The following GALK2 variants were observed in gnomAD, a reference collection of about 807,000 sequenced individuals.
The protein encoded by GALK2 is N-acetylgalactosamine kinase.
Under a neutral mutation model 52.4 loss-of-function variants are expected in GALK2, and 36 were observed. The observed-to-expected ratio is 0.69, with a 90% CI of 0.53 to 0.91. The LOEUF is 0.91. GALK2 is among the 40% of genes least tolerant of loss of function. The pLI is 0.00. For missense variants in GALK2, 579 were observed against 559.1 expected (o/e 1.04, Z -0.36); for synonymous variants, 176 against 199.1 (o/e 0.88, Z 0.98).
At chr15:49,210,060 T>C (rs750030040) in intron 2 of GALK2, among the ~76,000 whole-genome samples, 46 of 152,212 alleles carry the variant, frequency 3.0e-4, no homozygotes, top group African/African-American at 1.1e-3. Flanking sequence ...TTCAATCTTC[T>C]TAGGTTTTAT....
chr15:49,367,492 T>C, exon 4 of GALK2: 1 of 1,603,242 alleles, frequency 6.2e-7, no homozygotes, highest in Non-Finnish European at 8.5e-7. Context: ...TTTTCTTAGG[T>C]GCTTTGGAAA....
At chr15:49,290,372 A>G (rs2033816511) in intron 7 of GALK2, among the ~76,000 whole-genome samples, 1 of 152,228 alleles carries the variant, frequency 6.6e-6, no homozygotes, top group South Asian at 2.1e-4. Flanking sequence ...GGCTGTGTGG[A>G]TTCTCCAGCT....
upstream of GALK2, chr15:49,169,917 A>C (rs2084951057): frequency 1.9e-5 from 3 of 161,410 alleles, no homozygotes; most frequent in Admixed American, 6.2e-5. Flanking sequence ...AACAAACAAA[A>C]AAACGCAGCC....
At chr15:49,160,280 A>G (rs566207480) in intron 1 of GALK2, among the ~76,000 whole-genome samples, 1 of 152,228 alleles carries the variant, frequency 6.6e-6, no homozygotes, top group Admixed American at 6.5e-5. Context: ...GTCTCAAAAA[A>G]GAAAAAAAAA....
At chr15:49,360,351 A>T (rs1169410262) in intron 3 of GALK2, among the ~76,000 whole-genome samples, 1 of 152,200 alleles carries the variant, frequency 6.6e-6, no homozygotes, top group Non-Finnish European at 1.5e-5. Flanking sequence ...AAACTGCAAC[A>T]AAATGTGAAT....
intron 1 of GALK2, among the ~76,000 whole-genome samples, chr15:49,187,925 G>T (rs533984101): frequency 6.6e-6 from 1 of 152,178 alleles, no homozygotes; most frequent in East Asian, 1.9e-4. Context: ...TGGGTGGTCT[G>T]CATCACAGTA....
chr15:49,338,524 G>C (rs943648307), intron 3 of GALK2, among the ~76,000 whole-genome samples: 12 of 152,112 alleles, frequency 7.9e-5, no homozygotes, highest in Non-Finnish European at 1.6e-4. Flanking sequence ...TCCCTTTGTG[G>C]GTAACCCAAC....
In GALK2 at chr15:49,327,960, G is replaced by A. The variant is rs776896239; in HGVS notation, c.1178G>A (p.Gly393Glu). The change falls in exon 10 of 10, where the codon GGG becomes GAG. Residue 393 changes from glycine (G) to glutamate (E), a missense_variant. Physicochemically the swap from Gly to Glu is moderately conservative, Grantham distance 98. Transcript: ENST00000560031. ...TTTCCTCACTGTTTTAGGAAGTTTG[G>A]GGCTCAAGGGTCACGACTTACTGGA... ...DQLVDICRKFGAQGSRLTGAG... is the reference protein window; with the variant it reads ...DQLVDICRKFEAQGSRLTGAG... 9 of 1,607,096 alleles carry A rather than the reference G, an allele frequency of 5.6e-6. No individual in the cohort carries two copies. The highest frequency in any genetic ancestry group is 5.1e-5 in the Admixed American group (3 of 59,280).
intron 9 of GALK2, among the ~76,000 whole-genome samples, chr15:49,320,026 G>C (rs2036755491): frequency 6.6e-6 from 1 of 152,098 alleles, no homozygotes; most frequent in Non-Finnish European, 1.5e-5. Context: ...TCTGGGTTTG[G>C]AGTCAGTTTG....
chr15:49,174,445 A>G (rs2085308066), intron 1 of GALK2, among the ~76,000 whole-genome samples: 1 of 152,150 alleles, frequency 6.6e-6, no homozygotes, highest in South Asian at 2.1e-4. Context: ...TGCCGGGTTC[A>G]AGCAGTTTTC....
chr15:49,270,433 G>A (rs1381953096), intron 5 of GALK2, among the ~76,000 whole-genome samples: 1 of 152,086 alleles, frequency 6.6e-6, no homozygotes, highest in Admixed American at 6.5e-5. Flanking sequence ...GGATTCTTTA[G>A]AGCACATAAA....
At chr15:49,161,689 C>G (rs902970038) in intron 1 of GALK2, 1 of 165,422 alleles carries the variant, frequency 6.0e-6, no homozygotes, top group Non-Finnish European at 1.3e-5. Flanking sequence ...AATTAAGCTG[C>G]ACATACTTAA....
At chr15:49,338,343 A>T (rs1006938634) in intron 3 of GALK2, among the ~76,000 whole-genome samples, 1 of 152,098 alleles carries the variant, frequency 6.6e-6, no homozygotes, top group East Asian at 1.9e-4. Flanking sequence ...ATCTCTCAGC[A>T]TTTCCTTGTC....
At position 49,328,070 on chromosome 15, in the gene GALK2, C is replaced by G. The variant is rs1408874087; in HGVS notation, c.1288C>G (p.Gln430Glu). ...FLANVHKAYY[Q>E]RSDGSLAPEK... Reference sequence around the variant, plus strand: ...AGCAAATGTGCACAAAGCTTATTACCAGAGGAGTGATGGAAGCTTAGCACC... The same window carrying G: ...AGCAAATGTGCACAAAGCTTATTACGAGAGGAGTGATGGAAGCTTAGCACC... The change falls in exon 10 of 10, where the codon CAG becomes GAG. Residue 430 changes from glutamine to glutamate, a missense_variant. Transcript: ENST00000560031. The G allele has an allele frequency of 6.2e-7, 1 of 1,613,998 alleles. No individual in the cohort carries two copies. Among genetic ancestry groups the G allele is most frequent in the East Asian group, 2.2e-5 (1 of 44,876 alleles).
intron 1 of GALK2, chr15:49,177,505 T>A (rs1257358992): frequency 6.3e-6 from 1 of 158,894 alleles, no homozygotes; most frequent in Non-Finnish European, 1.4e-5. Flanking sequence ...CATGAAATAA[T>A]CTACAGACTA....
chr15:49,192,133 G>A (rs973983687), intron 1 of GALK2, among the ~76,000 whole-genome samples: 1 of 151,910 alleles, frequency 6.6e-6, no homozygotes, highest in Non-Finnish European at 1.5e-5. Flanking sequence ...AGATGTTTCA[G>A]ATTTATATTG....
chr15:49,161,181 T>C (rs1364204868), intron 1 of GALK2, among the ~76,000 whole-genome samples: 1 of 152,190 alleles, frequency 6.6e-6, no homozygotes, highest in Non-Finnish European at 1.5e-5. Context: ...GGAAAATAAG[T>C]ATGCAAATAA....
intron 8 of GALK2, among the ~76,000 whole-genome samples, chr15:49,306,591 G>T (rs550957659): frequency 4.6e-5 from 7 of 152,040 alleles, no homozygotes; most frequent in Middle Eastern, 6.8e-3. Flanking sequence ...TCAATTAATA[G>T]AAGAAATCTA....
chr15:49,335,560 T>G, downstream of GALK2: 1 of 1,214,132 alleles, frequency 8.2e-7, no homozygotes. Flanking sequence ...AACAGTACCC[T>G]TCACAGAGGA....
Sources: allele counts gnomAD v4.1 joint callset (sites outside exome capture counted in the v4.1 genomes callset), GRCh38; gene constraint gnomAD v4.1.1; transcripts MANE v1.5; gene names NCBI Gene and HGNC (gene_info 2026-07-23, HGNC 2026-07-21).